ADAMTSL1: variants seen among roughly 807,000 people sequenced by gnomAD.
The protein encoded by ADAMTSL1 is ADAMTS like 1, also known as ADAMTS-like protein 1.
ADAMTSL1 carries 126 observed loss-of-function variants against 201.8 expected under a neutral mutation model. The observed-to-expected ratio is 0.62, with a 90% CI of 0.54 to 0.72. The LOEUF is 0.72. Ranked by LOEUF, ADAMTSL1 falls within the 30% of genes least tolerant of loss-of-function variation. The pLI is 0.00. For synonymous variants in ADAMTSL1, 1,121 were observed against 903.4 expected (o/e 1.24, Z -4.32); for missense variants, 2,679 against 2,277.8 (o/e 1.18, Z -3.59).
intron 2 of ADAMTSL1, among the ~76,000 whole-genome samples, chr9:18,321,361 C>T (rs531936668): frequency 3.5e-4 from 53 of 152,264 alleles, no homozygotes; most frequent in African/African-American, 1.1e-3. Context: ...ACATGGTTGA[C>T]GATTTTTAAA....
At chr9:18,679,985 T>C (rs951708579) in intron 10 of ADAMTSL1, among the ~76,000 whole-genome samples, 2 of 152,208 alleles carry the variant, frequency 1.3e-5, no homozygotes, top group African/African-American at 2.4e-5. Flanking sequence ...TATATACATA[T>C]CCTGAAACTA....
At chr9:18,294,729 A>C (rs923350541) in intron 2 of ADAMTSL1, among the ~76,000 whole-genome samples, 1 of 152,118 alleles carries the variant, frequency 6.6e-6, no homozygotes, top group Non-Finnish European at 1.5e-5. Context: ...CATACCCCCA[A>C]GTTCTTCATT....
At chr9:18,052,187 AC>A (rs1821969231) in intron 1 of ADAMTSL1, among the ~76,000 whole-genome samples, 1 of 152,250 alleles carries the variant, frequency 6.6e-6, no homozygotes, top group Non-Finnish European at 1.5e-5. Context: ...TCCAATAATT[AC>A]CTTTGCAGAA....
intron 1 of ADAMTSL1, among the ~76,000 whole-genome samples, chr9:18,132,105 C>T (rs566754692): frequency 3.3e-5 from 5 of 152,184 alleles, no homozygotes; most frequent in African/African-American, 1.2e-4. Context: ...AGCCCAGAAA[C>T]ACAAAATGTC....
intron 1 of ADAMTSL1, among the ~76,000 whole-genome samples, chr9:17,942,295 T>A (rs1827269826): frequency 6.6e-6 from 1 of 152,162 alleles, no homozygotes; most frequent in Non-Finnish European, 1.5e-5. Flanking sequence ...AAATATTACC[T>A]TGTATTACCT....
chr9:18,473,793 A>C (rs16936748), upstream of ADAMTSL1: 377 of 190,694 alleles, frequency 2.0e-3, no homozygotes, highest in African/African-American at 8.4e-3. Context: ...AGACATCAGC[A>C]CAGGCAAATG....
intron 15 of ADAMTSL1, among the ~76,000 whole-genome samples, chr9:18,742,771 A>G (rs1436459667): frequency 6.6e-6 from 1 of 152,208 alleles, no homozygotes; most frequent in Non-Finnish European, 1.5e-5. Context: ...GGGTTCATTT[A>G]GTGGAAGGTT....
chr9:18,652,608 C>G (rs946032694), intron 7 of ADAMTSL1, among the ~76,000 whole-genome samples: 2 of 152,136 alleles, frequency 1.3e-5, no homozygotes, highest in Admixed American at 6.5e-5. Flanking sequence ...ATATTCAGCA[C>G]TTTATTATAA....
intron 6 of ADAMTSL1, among the ~76,000 whole-genome samples, chr9:18,638,001 G>T (rs187198337): frequency 8.5e-4 from 129 of 152,186 alleles, no homozygotes; most frequent in Admixed American, 6.2e-3. Context: ...AGGAATGAAG[G>T]CTGGAGGAAG....
chr9:18,382,147 A>G (rs2133185325), intron 2 of ADAMTSL1, among the ~76,000 whole-genome samples: 1 of 152,278 alleles, frequency 6.6e-6, no homozygotes, highest in African/African-American at 2.4e-5. Flanking sequence ...TTCCTTGCAA[A>G]GTGCCTTGGA....
rs186560519 is a variant in ADAMTSL1, at chr9:18,852,883, C to T, written c.4249+22906C>T. Among the ~76,000 whole-genome samples, 7 of 152,282 alleles carry T rather than the reference C, an allele frequency of 4.6e-5. No individual in the cohort carries two copies. The East Asian group carries it at 1.4e-3, about 29-fold the overall frequency. ...CCTAGTTGTTGCCTTATTCCTAGGG[C>T]TAGAAGCAAAGATTGCTGGTAAGGT... On this transcript the variant is annotated intron_variant, in intron 23 of 28. Coordinates refer to ENST00000380548, the MANE Select transcript of ADAMTSL1 (RefSeq NM_001040272.6).
chr9:18,509,826 A>T (rs1392328524), intron 2 of ADAMTSL1, among the ~76,000 whole-genome samples: 1 of 152,170 alleles, frequency 6.6e-6, no homozygotes, highest in African/African-American at 2.4e-5. Context: ...AAAAATTGGG[A>T]CTATTCTTCA....
At chr9:18,364,403 G>A (rs1431111962) in intron 2 of ADAMTSL1, among the ~76,000 whole-genome samples, 2 of 152,166 alleles carry the variant, frequency 1.3e-5, no homozygotes, top group Non-Finnish European at 2.9e-5. Flanking sequence ...TTGTGTCCAT[G>A]TTGATAATGC....
chr9:18,843,353 A>T (rs1446745664), intron 23 of ADAMTSL1, among the ~76,000 whole-genome samples: 1 of 150,896 alleles, frequency 6.6e-6, no homozygotes, highest in Non-Finnish European at 1.5e-5. Context: ...AAGAATGTTG[A>T]ATATTGGTCC....
chr9:18,513,777 A>G (rs1398961507), intron 2 of ADAMTSL1, among the ~76,000 whole-genome samples: 1 of 152,112 alleles, frequency 6.6e-6, no homozygotes, highest in Admixed American at 6.5e-5. Context: ...AGATCAGTTG[A>G]CTGTGTATGT....
chr9:18,149,088 T>C (rs1480534821), intron 1 of ADAMTSL1, among the ~76,000 whole-genome samples: 2 of 152,078 alleles, frequency 1.3e-5, no homozygotes, highest in Middle Eastern at 3.2e-3. Flanking sequence ...GAATAGATGA[T>C]TGATTCCCCA....
chr9:18,527,160 G>A (rs1329011328), intron 2 of ADAMTSL1, among the ~76,000 whole-genome samples: 5 of 152,106 alleles, frequency 3.3e-5, no homozygotes, highest in African/African-American at 7.2e-5. Flanking sequence ...AAAACCAGAT[G>A]GACCATCCTG....
Position 18,474,176 on chromosome 9 carries a change from G to T in ADAMTSL1, c.-57G>T, listed in dbSNP as rs1407307852. 1 of 1,542,780 alleles carries T rather than the reference G, an allele frequency of 6.5e-7. No individual in the cohort carries two copies. Among genetic ancestry groups the T allele is most frequent in the African/African-American group, 1.4e-5 (1 of 73,564 alleles). ...CCAGTACTGGATGTGACAGCAGGCA[G>T]AGGAGCACTTAGCAGCTTATTCAGT... is the stretch of plus-strand genomic sequence containing the variant. On this transcript the variant is annotated 5_prime_UTR_variant, in exon 1 of 29. Transcript: ENST00000380548.
intron 23 of ADAMTSL1, among the ~76,000 whole-genome samples, chr9:18,863,029 G>C (rs1419612509): frequency 6.6e-6 from 1 of 152,148 alleles, no homozygotes; most frequent in Non-Finnish European, 1.5e-5. Flanking sequence ...TAATTTCCTA[G>C]AGCCTGCCTG....
Sources: allele counts gnomAD v4.1 joint callset (sites outside exome capture counted in the v4.1 genomes callset), GRCh38; gene constraint gnomAD v4.1.1; transcripts MANE v1.5; gene names NCBI Gene and HGNC (gene_info 2026-07-23, HGNC 2026-07-21).